Variants in RSF1 observed in about 807,000 individuals in gnomAD.
RSF1 encodes the protein remodeling and spacing factor 1.
Under a neutral mutation model 145.2 loss-of-function variants are expected in RSF1, and 13 were observed. That is an observed-to-expected ratio of 0.09 (90% confidence interval 0.06 to 0.14). The LOEUF (loss-of-function observed/expected upper bound fraction) is 0.14, where lower values mean the gene tolerates loss of function less well. Ranked by LOEUF, RSF1 falls within the 10% of genes least tolerant of loss-of-function variation. The pLI is 1.00. For synonymous variants in RSF1, 577 were observed against 592.6 expected (o/e 0.97, Z 0.38); for missense variants, 1,517 against 1,718.2 (o/e 0.88, Z 2.07).
intron 15 of RSF1, among the ~76,000 whole-genome samples, chr11:77,668,669 T>C (rs1959438103): frequency 6.6e-6 from 1 of 152,230 alleles, no homozygotes; most frequent in African/African-American, 2.4e-5. Context: ...AGTATAACAA[T>C]TATATAACAT....
chr11:77,792,287 C>T (rs1273544279), intron 1 of RSF1, among the ~76,000 whole-genome samples: 1 of 152,162 alleles, frequency 6.6e-6, no homozygotes, highest in Non-Finnish European at 1.5e-5. Flanking sequence ...CACCAAGTCC[C>T]TCCCACAACA....
intron 5 of RSF1, among the ~76,000 whole-genome samples, chr11:77,712,807 C>T (rs1250420702): frequency 6.6e-6 from 1 of 152,100 alleles, no homozygotes; most frequent in East Asian, 1.9e-4. Flanking sequence ...AGATATTATT[C>T]TATGGATTAA....
At chr11:77,697,496 A>AT (rs1299825533) in intron 7 of RSF1, among the ~76,000 whole-genome samples, 1 of 121,974 alleles carries the variant, frequency 8.2e-6, no homozygotes, top group Non-Finnish European at 1.6e-5. Context: ...TAATATATAT[A>AT]AATATATTAT....
At chr11:77,803,055 G>C (rs1948642028) in intron 1 of RSF1, among the ~76,000 whole-genome samples, 2 of 152,158 alleles carry the variant, frequency 1.3e-5, no homozygotes, top group Admixed American at 1.3e-4. Context: ...ATAGGGGCTA[G>C]CCATGCCAGA....
At chr11:77,693,894 C>G (rs1960220058) in intron 7 of RSF1, among the ~76,000 whole-genome samples, 1 of 152,010 alleles carries the variant, frequency 6.6e-6, no homozygotes, top group Non-Finnish European at 1.5e-5. Context: ...AAGTCATTCT[C>G]CTGCCTCAGC....
intron 10 of RSF1, 117 bp from the exon 11 acceptor site, chr11:77,683,936 T>G (rs908148793): frequency 7.5e-6 from 5 of 664,826 alleles, no homozygotes; most frequent in Non-Finnish European, 1.3e-5. Flanking sequence ...TGAAAAAGTT[T>G]GAGATGATCC....
At chr11:77,734,754 A>G in intron 4 of RSF1, 1 of 1,555,742 alleles carries the variant, frequency 6.4e-7, no homozygotes, top group Non-Finnish European at 8.8e-7. Flanking sequence ...CCCAGTCATC[A>G]CAGTCTGGTT....
At chr11:77,686,143 G>C (rs1259587053) in intron 9 of RSF1, among the ~76,000 whole-genome samples, 1 of 151,970 alleles carries the variant, frequency 6.6e-6, no homozygotes, top group Non-Finnish European at 1.5e-5. Flanking sequence ...AGGATGGCTG[G>C]GTGTGGTGGC....
the RSF1 span, among the ~76,000 whole-genome samples, chr11:77,831,355 A>G: frequency 7.2e-5 from 11 of 152,328 alleles, no homozygotes; most frequent in African/African-American, 2.6e-4. Context: ...TATACCCAAG[A>G]AAAATGAGCA....
chr11:77,751,278 T>C (rs1948059900), intron 2 of RSF1, among the ~76,000 whole-genome samples: 1 of 152,154 alleles, frequency 6.6e-6, no homozygotes, highest in Admixed American at 6.5e-5. Context: ...GGATAACTCA[T>C]AAGAAATTTA....
At chr11:77,825,996 C>CT in the RSF1 span, among the ~76,000 whole-genome samples, 1 of 152,056 alleles carries the variant, frequency 6.6e-6, no homozygotes, top group South Asian at 2.1e-4. Flanking sequence ...TACTACCCAT[C>CT]TTTTTTTGAG....
At chr11:77,861,170 G>A in the RSF1 span, among the ~76,000 whole-genome samples, 10 of 152,100 alleles carry the variant, frequency 6.6e-5, no homozygotes, top group African/African-American at 9.7e-5. Context: ...TCAAGCAGGG[G>A]ACAACAAATG....
chr11:77,676,997 C>T lies in RSF1; in HGVS notation c.3136G>A (p.Val1046Ile), dbSNP rs1344652706. Residue 1046 changes from valine to isoleucine, a missense_variant and splice_region_variant, in exon 13 of 16, where the codon GTT becomes ATT. This residue lies in a region of RSF1 where 231 missense variants were observed against 276.6 expected (regional missense o/e 0.84). Coordinates refer to ENST00000308488, the MANE Select transcript of RSF1 (RefSeq NM_016578.4). ...DDIKEADGGG[V>I]GRGKDISTIT... ...GTGGAGATATCTTTTCCTCGGCCAA[C>T]TCCTGAATTTGGGGGAGGGAAGTTC... is the stretch of plus-strand genomic sequence containing the variant. 3 of 1,609,870 alleles carry T rather than the reference C, an allele frequency of 1.9e-6. No homozygotes were observed. The highest frequency in any genetic ancestry group is 3.4e-5 in the Admixed American group (2 of 59,532).
At chr11:77,864,506 C>T in the RSF1 span, among the ~76,000 whole-genome samples, 1 of 152,066 alleles carries the variant, frequency 6.6e-6, no homozygotes, top group Admixed American at 6.6e-5. Flanking sequence ...TAATTAGTTG[C>T]CTTGCATTTA....
chr11:77,769,219 C>T (rs1340364989), intron 1 of RSF1, among the ~76,000 whole-genome samples: 3 of 152,076 alleles, frequency 2.0e-5, no homozygotes, highest in South Asian at 2.1e-4. Context: ...CACCACACCT[C>T]GGCCTCCCAA....
chr11:77,671,212 C>CACTATA (rs1554983939), intron 15 of RSF1, among the ~76,000 whole-genome samples: 1 of 106,712 alleles, frequency 9.4e-6, no homozygotes, highest in African/African-American at 3.6e-5. Context: ...TATATATACA[C>CACTATA]TATATATATA....
At chr11:77,725,960 G>C (rs1961045238) in intron 4 of RSF1, among the ~76,000 whole-genome samples, 1 of 152,006 alleles carries the variant, frequency 6.6e-6, no homozygotes, top group Non-Finnish European at 1.5e-5. Flanking sequence ...GGGTTGAAAA[G>C]AAAAGTAGGA....
At chr11:77,871,129 T>C in the RSF1 span, among the ~76,000 whole-genome samples, 1 of 152,212 alleles carries the variant, frequency 6.6e-6, no homozygotes, top group Admixed American at 6.5e-5. Flanking sequence ...AATTTTAAAC[T>C]AGTTTGTTTT....
intron 1 of RSF1, among the ~76,000 whole-genome samples, chr11:77,802,341 G>A (rs1470803643): frequency 6.6e-6 from 1 of 152,152 alleles, no homozygotes; most frequent in Non-Finnish European, 1.5e-5. Context: ...AGGCAGTCTT[G>A]TGGGTCTGAG....
Sources: allele counts gnomAD v4.1 joint callset (sites outside exome capture counted in the v4.1 genomes callset), GRCh38; gene constraint gnomAD v4.1.1; regional missense constraint gnomAD v4.1.1; transcripts MANE v1.5; gene names NCBI Gene and HGNC (gene_info 2026-07-23, HGNC 2026-07-21).